RIMS2: variants seen among roughly 807,000 people sequenced by gnomAD.
RIMS2 encodes the protein regulating synaptic membrane exocytosis protein 2.
In RIMS2, 59 loss-of-function variants were observed where a neutral mutation model predicts 174.4. That is an observed-to-expected ratio of 0.34 (90% CI 0.27 to 0.42). The LOEUF (loss-of-function observed/expected upper bound fraction) is 0.42, where lower values mean the gene tolerates loss of function less well. RIMS2 is among the 10% of genes least tolerant of loss of function. The pLI is 1.00. For missense variants in RIMS2, 1,620 were observed against 1,666.3 expected (o/e 0.97, Z 0.48); for synonymous variants, 606 against 572.5 (o/e 1.06, Z -0.84).
chr8:104,039,607 C>T (rs1226889017), intron 19 of RIMS2, among the ~76,000 whole-genome samples: 4 of 151,452 alleles, frequency 2.6e-5, no homozygotes, highest in African/African-American at 9.7e-5. Flanking sequence ...TTATTTCATC[C>T]ACTTCATACC....
intron 1 of RIMS2, among the ~76,000 whole-genome samples, chr8:103,681,850 G>A (rs7843709): frequency 0.18 from 26,718 of 151,924 alleles, 2,553 homozygotes; most frequent in African/African-American, 0.23. Flanking sequence ...AGCCTAACTA[G>A]GAGACTATTC....
intron 1 of RIMS2, among the ~76,000 whole-genome samples, chr8:103,611,004 C>T (rs1243543653): frequency 6.6e-6 from 1 of 152,114 alleles, no homozygotes; most frequent in Non-Finnish European, 1.5e-5. Context: ...TTATCGAACT[C>T]ATTATCGGCC....
chr8:103,820,144 C>G (rs917955969), intron 3 of RIMS2, among the ~76,000 whole-genome samples: 1 of 152,004 alleles, frequency 6.6e-6, no homozygotes, highest in African/African-American at 2.4e-5. Context: ...ATTAGGTCAG[C>G]TAATTTGGCA....
At chr8:104,113,435 A>G (rs962190510) in intron 19 of RIMS2, among the ~76,000 whole-genome samples, 3 of 152,182 alleles carry the variant, frequency 2.0e-5, no homozygotes, top group Non-Finnish European at 4.4e-5. Context: ...CTACCTGCCT[A>G]TAACTTCTTT....
chr8:104,139,339 T>C (rs1057188966), intron 19 of RIMS2, among the ~76,000 whole-genome samples: 2 of 152,168 alleles, frequency 1.3e-5, no homozygotes, highest in African/African-American at 4.8e-5. Flanking sequence ...ATTGAATCTG[T>C]AGATTGCTTT....
intron 2 of RIMS2, among the ~76,000 whole-genome samples, chr8:103,717,089 A>C (rs1168257788): frequency 6.6e-6 from 1 of 151,414 alleles, no homozygotes; most frequent in African/African-American, 2.4e-5. Context: ...AAATTGGCAT[A>C]AAACTCAAAG....
chr8:103,678,801 T>A (rs1214265018), intron 1 of RIMS2, among the ~76,000 whole-genome samples: 1 of 152,100 alleles, frequency 6.6e-6, no homozygotes, highest in Non-Finnish European at 1.5e-5. Flanking sequence ...GAAATACCAA[T>A]CTATTCATGG....
chr8:104,040,836 G>A (rs1252014149), intron 19 of RIMS2, among the ~76,000 whole-genome samples: 2 of 151,650 alleles, frequency 1.3e-5, no homozygotes, highest in Non-Finnish European at 3.0e-5. Context: ...GTTTACTGGG[G>A]AAACATAAAA....
At chr8:103,929,642 G>T (rs2079513735) in intron 11 of RIMS2, among the ~76,000 whole-genome samples, 1 of 151,626 alleles carries the variant, frequency 6.6e-6, no homozygotes. Flanking sequence ...AAATCAGTTG[G>T]GTTTTTGTCA....
At chr8:104,173,573 C>T (rs946541149) in intron 19 of RIMS2, among the ~76,000 whole-genome samples, 1 of 136,972 alleles carries the variant, frequency 7.3e-6, no homozygotes, top group African/African-American at 2.7e-5. Flanking sequence ...AAGTTATAAG[C>T]TATTGCTTTC....
intron 3 of RIMS2, among the ~76,000 whole-genome samples, chr8:103,802,425 T>C (rs968934974): frequency 2.0e-5 from 3 of 152,134 alleles, no homozygotes; most frequent in Non-Finnish European, 2.9e-5. Context: ...TATGCTGACT[T>C]CTCACCCACC....
intron 19 of RIMS2, among the ~76,000 whole-genome samples, chr8:104,113,239 GC>G (rs1299838998): frequency 6.6e-6 from 1 of 151,960 alleles, no homozygotes; most frequent in African/African-American, 2.4e-5. Context: ...AAATTTTCTG[GC>G]CTTGACATGA....
intron 3 of RIMS2, among the ~76,000 whole-genome samples, chr8:103,789,991 A>T (rs2098482344): frequency 6.6e-6 from 1 of 152,074 alleles, no homozygotes; most frequent in African/African-American, 2.4e-5. Context: ...CAAACTCCTG[A>T]GCTCAAGTGA....
chr8:104,166,952 T>G (rs1243027720), intron 19 of RIMS2, among the ~76,000 whole-genome samples: 1 of 152,182 alleles, frequency 6.6e-6, no homozygotes, highest in Non-Finnish European at 1.5e-5. Context: ...GCACAAGACA[T>G]TATTTCATTC....
At chr8:103,907,808 C>T (rs1223508109) in intron 4 of RIMS2, among the ~76,000 whole-genome samples, 1 of 150,582 alleles carries the variant, frequency 6.6e-6, no homozygotes, top group African/African-American at 2.4e-5. Context: ...TGCAGTGGTG[C>T]GCTCCCGGCT....
chr8:103,988,299 G>A (rs1169209797), intron 16 of RIMS2, among the ~76,000 whole-genome samples: 2 of 152,128 alleles, frequency 1.3e-5, no homozygotes, highest in Non-Finnish European at 2.9e-5. Context: ...CAAAGGGTGG[G>A]TCAGACAGGG....
intron 3 of RIMS2, among the ~76,000 whole-genome samples, chr8:103,832,569 G>A (rs976272577): frequency 3.3e-5 from 5 of 152,026 alleles, no homozygotes; most frequent in Non-Finnish European, 7.4e-5. Context: ...CCCAGTTTGT[G>A]TTGTTCGCCT....
chr8:104,141,889 T>G (rs1304120832), intron 19 of RIMS2, among the ~76,000 whole-genome samples: 1 of 152,148 alleles, frequency 6.6e-6, no homozygotes, highest in African/African-American at 2.4e-5. Context: ...TTTCAGTCCC[T>G]TGTTATTTTA....
At chr8:103,819,781 T>G in intron 3 of RIMS2, 1 of 577,294 alleles carries the variant, frequency 1.7e-6, no homozygotes, top group Non-Finnish European at 2.8e-6. Flanking sequence ...ATTCTTAATT[T>G]GATTTTAAGA....
Sources: gnomAD v4.1 joint callset for allele counts (sites outside exome capture counted in the v4.1 genomes callset) on GRCh38, gnomAD v4.1.1 for gene constraint, MANE v1.5 for transcripts, NCBI Gene and HGNC (gene_info 2026-07-23, HGNC 2026-07-21) for gene names.